HELZ2: variants seen among roughly 807,000 people sequenced by gnomAD.
The protein encoded by HELZ2 is helicase with zinc finger 2.
A neutral mutation model predicts 208.8 loss-of-function variants in HELZ2; 143 were observed. That is an observed-to-expected ratio of 0.68 (90% confidence interval 0.60 to 0.79). The LOEUF is 0.79. Ranked by LOEUF, HELZ2 falls within the 30% of genes least tolerant of loss-of-function variation. HELZ2 has a pLI of 0.00. For synonymous variants in HELZ2, 1,705 were observed against 1,693.7 expected (o/e 1.01, Z -0.16); for missense variants, 3,690 against 3,794.5 (o/e 0.97, Z 0.72).
rs367776585 is a variant in HELZ2, at chr20:63,566,253, G to A, written c.2591-22C>T. 2.7e-3 allele frequency: 3,955 copies of A among 1,489,374 alleles called. 14 individuals are homozygous for A. The highest frequency in any genetic ancestry group is 3.3e-3 in the Non-Finnish European group (3,644 of 1,114,384). 92.3% of individuals were successfully genotyped at this position (1,489,374 alleles called of 1,614,324 possible). A position where few individuals can be genotyped will look rare whatever the true frequency, so the allele number is the denominator to read the frequency against. Reference sequence around the variant, plus strand: ...CGCCCTGCAGGGGGCACGCAGTCAGGTCAGGCTGGGTGCGCAAGACGGTGG... The same window carrying A: ...CGCCCTGCAGGGGGCACGCAGTCAGATCAGGCTGGGTGCGCAAGACGGTGG... On this transcript the variant is annotated intron_variant, in intron 7 of 18. Coordinates refer to ENST00000467148, the Ensembl canonical transcript of HELZ2.
chr20:63,558,945 G>GT (rs1347934896), downstream of HELZ2: 1 of 295,584 alleles, frequency 3.4e-6, no homozygotes, highest in Non-Finnish European at 6.3e-6. Context: ...CCTCCACAGG[G>GT]TTTCCTTCCT....
At chr20:63,559,938 G>A in exon 18 of HELZ2, 2 of 1,610,344 alleles carry the variant, frequency 1.2e-6, no homozygotes, top group Non-Finnish European at 1.7e-6. Context: ...CGATCAGGCA[G>A]AGCCCCTCCT....
chr20:63,571,001 C>T, intron 1 of HELZ2, 133 bp from the exon 3 acceptor site: 1 of 693,284 alleles, frequency 1.4e-6, no homozygotes, highest in East Asian at 2.8e-5. Flanking sequence ...CACTCCTGTG[C>T]TCCCGGGACA....
chr20:63,563,877 G>A lies in HELZ2; in HGVS notation c.4945C>T (p.Arg1649Cys), dbSNP rs199747482. 1,204 of 1,597,804 alleles carry A rather than the reference G, an allele frequency of 7.5e-4. 3 individuals are homozygous for A. Among genetic ancestry groups the A allele is most frequent in the Admixed American group, 1.5e-3 (87 of 58,644 alleles). ...TGCTGCTGGTGGCCCCGGGCGCAGC[G>A]GCCGAACGCCGAGCGCTCCAGGGCC... Residue 1649 changes from arginine (R) to cysteine (C), a missense_variant, in exon 8 of 19, where the codon CGC becomes TGC. Coordinates refer to ENST00000467148, the Ensembl canonical transcript of HELZ2.
Position 63,559,904 on chromosome 20 carries a change from G to A in HELZ2, c.7825+24C>T, listed in dbSNP as rs769046912. 6.9e-6 allele frequency: 11 copies of A among 1,603,522 alleles called. No individual in the cohort carries two copies. The South Asian group carries it at 1.2e-4, about 18-fold the overall frequency. On this transcript the variant is annotated intron_variant, in intron 18 of 18. Coordinates refer to ENST00000467148, the Ensembl canonical transcript of HELZ2. ...CTGGCCTCACCTGTGTTCCCACCCT[G>A]GAAGAGCCCAGCCCCGCCCTCACCG...
At chr20:63,565,685 G>A in exon 8 of HELZ2, 1 of 1,608,450 alleles carries the variant, frequency 6.2e-7, no homozygotes. Context: ...CACGCCCGCT[G>A]CAGCAGCCGC....
Position 63,566,762 on chromosome 20 carries a change from G to A in HELZ2, c.2514+82C>T, listed in dbSNP as rs868096494. 3.5e-5 allele frequency: 47 copies of A among 1,331,544 alleles called. No homozygotes were observed. The Middle Eastern group carries it at 5.7e-4, about 16-fold the overall frequency. The allele number at this position is 1,331,544 out of a possible 1,614,324, so 82.5% of individuals were successfully genotyped here. A position where few individuals can be genotyped will look rare whatever the true frequency, so the allele number is the denominator to read the frequency against. On this transcript the variant is annotated intron_variant, in intron 6 of 18. Transcript: ENST00000467148. ...CTCTTACAGATGGGGAAACTGAGGC[G>A]GGGGCTCGTCCATCAGCCGGAGAGC...
rs115855853 is a variant in HELZ2 at position 63,565,089 on chromosome 20, C to T, written c.3733G>A (p.Gly1245Ser). ...TCAAGCCCCACACGCTGCAGCCGGC[C>T]CTTCCGGAGGCTGTAGATGGGGACC... Residue 1245 changes from glycine (G) to serine (S), a missense_variant, in exon 8 of 19, where the codon GGC becomes AGC. Gly to Ser is a moderately conservative substitution (Grantham distance 56). Around this residue, in one of 3 missense-constraint regions of HELZ2, gnomAD observed 2,564 missense variants for 2,580.5 expected, o/e 0.99. Transcript: ENST00000467148. 1.2e-3 allele frequency: 1,825 copies of T among 1,562,886 alleles called. 18 individuals carry two copies. The African/African-American group carries it at 0.023, about 20-fold the overall frequency.
chr20:63,566,882 C>T (rs1382681611), exon 6 of HELZ2: 2 of 1,606,404 alleles, frequency 1.2e-6, no homozygotes, highest in South Asian at 1.1e-5. Flanking sequence ...CACCTCTGCT[C>T]GCGGCCGCCC....
chr20:63,565,966 C>T (rs149683642), exon 8 of HELZ2: 3 of 1,599,182 alleles, frequency 1.9e-6, no homozygotes, highest in Admixed American at 3.3e-5. Context: ...CCACACCCTG[C>T]TCGACCTGCT....
chr20:63,563,988 T>A (rs1483048389), exon 8 of HELZ2: 7 of 1,603,010 alleles, frequency 4.4e-6, no homozygotes, highest in Non-Finnish European at 6.0e-6. Context: ...TAGTCCTGGG[T>A]GCGGGCAGCA....
chr20:63,567,008 G>C, exon 6 of HELZ2: 1 of 1,611,108 alleles, frequency 6.2e-7, no homozygotes, highest in Non-Finnish European at 8.5e-7. Flanking sequence ...CCCGCCACGT[G>C]GCAGAACATG....
At chr20:63,562,538 G>C (rs1373396525) in exon 8 of HELZ2, 2 of 1,587,658 alleles carry the variant, frequency 1.3e-6, no homozygotes, top group South Asian at 2.3e-5. Flanking sequence ...AAGCTGCTTG[G>C]GCAGCAGCTC....
At chr20:63,572,617 G>C (rs2083026536), upstream of HELZ2, 1 of 519,922 alleles carries the variant, frequency 1.9e-6, no homozygotes, top group East Asian at 3.2e-5. Context: ...ATGGGGGACA[G>C]CGCCTGAAGC....
Position 63,560,787 on chromosome 20 carries a change from G to A in HELZ2, c.7281+8C>T, listed in dbSNP as rs772640007. The A allele has an allele frequency of 8.4e-5, 135 of 1,608,608 alleles. No homozygotes were observed. Among genetic ancestry groups the A allele is most frequent in the Admixed American group, 1.3e-4 (8 of 59,974 alleles). On this transcript the variant is annotated splice_region_variant and intron_variant, in intron 15 of 18. Transcript: ENST00000467148. ...AGGTGGGCTGGGGGCTGAGTGGGGC[G>A]GGCTCACCATGCGGTACTGAGTGTC...
At chr20:63,572,529 C>CGGCGCTCA, upstream of HELZ2, 1 of 904,304 alleles carries the variant, frequency 1.1e-6, no homozygotes, top group Non-Finnish European at 1.6e-6. Context: ...CGGCGGCCCT[C>CGGCGCTCA]GGCGCTCACG....
chr20:63,569,355 C>G, exon 4 of HELZ2: 1 of 1,606,258 alleles, frequency 6.2e-7, no homozygotes, highest in African/African-American at 1.3e-5. Flanking sequence ...GCCAGTGTGC[C>G]AGCGCTCCAT....
At chr20:63,574,137 T>A, upstream of HELZ2, 1 of 79,426 alleles carries the variant, frequency 1.3e-5, no homozygotes, top group Non-Finnish European at 2.4e-5. Flanking sequence ...GAGCCGCCCC[T>A]GGACCCCCGC....
chr20:63,567,631 C>A lies in HELZ2; in HGVS notation c.1731-4G>T. ...CCGGATGTAGATGTCGGCGGCACTGCGGGAGGGGGAGGAGCTCATGGGCTT... is the reference window on the plus strand; with the variant it reads ...CCGGATGTAGATGTCGGCGGCACTGAGGGAGGGGGAGGAGCTCATGGGCTT... On this transcript the variant is annotated splice_region_variant and splice_polypyrimidine_tract_variant and intron_variant, in intron 5 of 18. Transcript: ENST00000467148. 1.3e-6 allele frequency: 2 copies of A among 1,597,644 alleles called. No individual in the cohort carries two copies. Among genetic ancestry groups the A allele is most frequent in the African/African-American group, 1.3e-5 (1 of 74,794 alleles).
Sources: allele counts gnomAD v4.1 joint callset, GRCh38; gene constraint gnomAD v4.1.1; regional missense constraint gnomAD v4.1.1; transcripts MANE v1.5; gene names NCBI Gene and HGNC (gene_info 2026-07-23, HGNC 2026-07-21).